MGAM2: variants seen among roughly 807,000 people sequenced by gnomAD.
MGAM2 encodes maltase-glucoamylase 2 (putative).
A neutral mutation model predicts 96.1 loss-of-function variants in MGAM2; 98 were observed. The ratio of observed to expected loss-of-function variants is 1.02; its 90% CI spans 0.87 to 1.21. MGAM2 has a LOEUF of 1.21. MGAM2 is among the 50% of genes most tolerant of loss of function. MGAM2 has a pLI of 0.00. For synonymous variants in MGAM2, 749 were observed against 414.8 expected, an observed-to-expected ratio of 1.81 and a Z score of -9.79; for missense variants, 2,055 against 1,182.4, an observed-to-expected ratio of 1.74 and a Z score of -10.82.
intron 31 of MGAM2, among the ~76,000 whole-genome samples, chr7:142,175,384 T>G (rs1032498129): frequency 6.6e-6 from 1 of 152,060 alleles, no homozygotes; most frequent in African/African-American, 2.4e-5. Context: ...GGGAAAGACA[T>G]GAATTGAGGA....
At chr7:142,203,907 C>G (rs1317658369) in intron 45 of MGAM2, among the ~76,000 whole-genome samples, 1 of 151,914 alleles carries the variant, frequency 6.6e-6, no homozygotes. Context: ...AGGAAATGCT[C>G]TTCATGTTCT....
At chr7:142,137,639 C>A in intron 9 of MGAM2, 94 bp downstream of exon 9, 1 of 484,242 alleles carries the variant, frequency 2.1e-6, no homozygotes, top group Admixed American at 3.6e-5. Flanking sequence ...TATTAGTAAA[C>A]TGTATGGATT....
chr7:142,154,081 A>T lies in MGAM2; in HGVS notation c.1698A>T (p.Gly566=). Reference sequence around the variant, plus strand: ...TCTTATCCCGTTCTACTTTTGCTGGATCTGGCAAATTTGCTGCTCATTGGC... The same window carrying T: ...TCTTATCCCGTTCTACTTTTGCTGGTTCTGGCAAATTTGCTGCTCATTGGC... ...SFILSRSTFA[G]SGKFAAHWLG... Residue 566 remains glycine, a synonymous_variant, in exon 16 of 48, where the codon GGA becomes GGT. Coordinates refer to ENST00000477922, the MANE Select transcript of MGAM2 (RefSeq NM_001293626.2). 1.4e-6 allele frequency: 1 copy of T among 696,302 alleles called. No individual in the cohort carries two copies. Among genetic ancestry groups the T allele is most frequent in the Non-Finnish European group, 2.6e-6 (1 of 380,312 alleles). The allele number at this position is 696,302 out of a possible 1,614,324, so 43.1% of individuals were successfully genotyped here.
At chr7:142,156,702 G>A (rs1484983485) in intron 17 of MGAM2, among the ~76,000 whole-genome samples, 1 of 152,114 alleles carries the variant, frequency 6.6e-6, no homozygotes, top group Non-Finnish European at 1.5e-5. Context: ...CCTACACTGG[G>A]TGCATAGAGT....
chr7:142,129,050 C>T (rs532128041), intron 3 of MGAM2, among the ~76,000 whole-genome samples: 1 of 152,350 alleles, frequency 6.6e-6, no homozygotes, highest in East Asian at 1.9e-4. Flanking sequence ...AGAGGCAGAG[C>T]TGCTCAAGGC....
chr7:142,154,800 A>G lies in MGAM2; in HGVS notation c.1878A>G (p.Gly626=). Residue 626 remains glycine (G), a synonymous_variant, in exon 17 of 48, where the codon GGA becomes GGG. Coordinates refer to ENST00000477922, the MANE Select transcript of MGAM2 (RefSeq NM_001293626.2). The stretch of plus-strand genomic sequence containing the variant: ...TCTGCAGAAGGTGGATGCAGCTTGG[A>G]GCATTTTATCCACTACCAAGGAATC... ...EELCRRWMQL[G]AFYPLPRNHN... The G allele has an allele frequency of 1.4e-6, 1 of 703,592 alleles. No homozygotes were observed. The highest frequency in any genetic ancestry group is 2.6e-6 in the Non-Finnish European group (1 of 385,134). 43.6% of individuals were successfully genotyped at this position (703,592 alleles called of 1,614,324 possible).
chr7:142,129,825 C>CAAAAAAAAAAAAAAAAAAAAAAAAAAA lies in MGAM2; in HGVS notation c.187-1109_187-1083dup, dbSNP rs71166564. 2.1e-4 allele frequency among the ~76,000 whole-genome samples: 7 copies of CAAAAAAAAAAAAAAAAAAAAAAAAAAA among 33,418 alleles called. 2 individuals are homozygous for CAAAAAAAAAAAAAAAAAAAAAAAAAAA. Among genetic ancestry groups the CAAAAAAAAAAAAAAAAAAAAAAAAAAA allele is most frequent in the African/African-American group, 5.8e-4 (4 of 6,932 alleles). 21.9% of individuals were successfully genotyped at this position (33,418 alleles called of 152,430 possible). A position where few individuals can be genotyped will look rare whatever the true frequency, so the allele number is the denominator to read the frequency against. On this transcript the variant is annotated intron_variant, in intron 3 of 47. Transcript: ENST00000477922. ...GGGCAACAAGAACAAAACTCTGTCT[C>CAAAAAAAAAAAAAAAAAAAAAAAAAAA]AAAAAAAAAAAAAAAAAAAAAAAAA...
chr7:142,207,672 G>T (rs760394651), intron 45 of MGAM2, among the ~76,000 whole-genome samples: 1 of 151,978 alleles, frequency 6.6e-6, no homozygotes, highest in African/African-American at 2.4e-5. Flanking sequence ...CTCGTGATGC[G>T]CCCGCCTCGG....
rs1214431988 is a variant in MGAM2 at position 142,175,729 on chromosome 7, T to A, written c.3765T>A (p.Ser1255Arg). 1.6e-5 allele frequency: 11 copies of A among 702,688 alleles called. No individual in the cohort carries two copies. The East Asian group carries it at 3.0e-4, about 19-fold the overall frequency. The allele number at this position is 702,688 out of a possible 1,614,324, so 43.5% of individuals were successfully genotyped here. A position where few individuals can be genotyped will look rare whatever the true frequency, so the allele number is the denominator to read the frequency against. The stretch of plus-strand genomic sequence containing the variant: ...TCAGTGCCAACTTTCAAAACCTCAG[T>A]CTTCTGATTGAGCAAATGAAGAAAA... ...FTLSANFQNL[S>R]LLIEQMKKNG... Residue 1255 changes from serine to arginine, a missense_variant, in exon 32 of 48, where the codon AGT becomes AGA. Physicochemically the swap from Ser to Arg is moderately radical, Grantham distance 110. Transcript: ENST00000477922.
At chr7:142,173,698 T>C (rs1563275802) in intron 31 of MGAM2, among the ~76,000 whole-genome samples, 1 of 152,210 alleles carries the variant, frequency 6.6e-6, no homozygotes, top group Non-Finnish European at 1.5e-5. Flanking sequence ...CCCTTTGGGC[T>C]AAAAAGAAGC....
intron 26 of MGAM2, 115 bp from the exon 27 acceptor site, chr7:142,169,960 G>A (rs1353039986): frequency 4.4e-5 from 24 of 551,702 alleles, no homozygotes; most frequent in Non-Finnish European, 7.4e-5. Context: ...GATGTTTGAT[G>A]CCTACTGATA....
chr7:142,195,345 CTTTTTTTTTTTTTTTT>C (rs1013124747), intron 37 of MGAM2, among the ~76,000 whole-genome samples: 1 of 70,008 alleles, frequency 1.4e-5, no homozygotes, highest in South Asian at 6.6e-4. Context: ...CCTTTTTACT[CTTTTTTTTTTTTTTTT>C]TTTTTTTTTT....
chr7:142,115,369 G>A (rs1443410779), intron 1 of MGAM2, among the ~76,000 whole-genome samples: 2 of 152,304 alleles, frequency 1.3e-5, no homozygotes, highest in East Asian at 3.9e-4. Flanking sequence ...ATGTTTGGAT[G>A]GATAGTTTCA....
intron 29 of MGAM2, 121 bp from the exon 30 acceptor site, chr7:142,172,531 C>T: frequency 1.7e-6 from 1 of 580,506 alleles, no homozygotes. Context: ...TGAGAGAAGA[C>T]TTTCTAGAGA....
Position 142,154,075 on chromosome 7 carries a change from TGCTGGATCTGGCAAATTTGCTGCTC to T in MGAM2, c.1693_1717del (p.Ala565IlefsTer31), listed in dbSNP as rs1795664131. 4 of 696,710 alleles carry T rather than the reference TGCTGGATCTGGCAAATTTGCTGCTC, an allele frequency of 5.7e-6. No individual in the cohort carries two copies. The highest frequency in any genetic ancestry group is 2.0e-5 in the Admixed American group (1 of 49,918). The allele number at this position is 696,710 out of a possible 1,614,324, so 43.2% of individuals were successfully genotyped here. A position where few individuals can be genotyped will look rare whatever the true frequency, so the allele number is the denominator to read the frequency against. Reference sequence around the variant, plus strand: ...GCTTCATCTTATCCCGTTCTACTTTTGCTGGATCTGGCAAATTTGCTGCTCATTGGCTGGGGGACAATGCGGCCAC... The same window carrying T: ...GCTTCATCTTATCCCGTTCTACTTTTATTGGCTGGGGGACAATGCGGCCAC... On this transcript the variant is annotated frameshift_variant, in exon 16 of 48. Transcript: ENST00000477922. LOFTEE classifies it high-confidence loss of function.
intron 37 of MGAM2, among the ~76,000 whole-genome samples, chr7:142,191,135 A>G (rs77337430): frequency 1.1e-4 from 1 of 9,336 alleles, no homozygotes; most frequent in Non-Finnish European, 2.0e-4. Context: ...ATCTCTACAG[A>G]AAAAAAAAAA....
chr7:142,219,304 C>T (rs1353975725), intron 47 of MGAM2, among the ~76,000 whole-genome samples: 1 of 152,132 alleles, frequency 6.6e-6, no homozygotes, highest in Non-Finnish European at 1.5e-5. Context: ...TGGAAAATGG[C>T]CCCTCTGAGC....
At chr7:142,211,174 A>T (rs1215015902) in intron 46 of MGAM2, among the ~76,000 whole-genome samples, 1 of 152,168 alleles carries the variant, frequency 6.6e-6, no homozygotes, top group Non-Finnish European at 1.5e-5. Context: ...CATGCAAAAA[A>T]TCCATCCGAA....
At chr7:142,159,641 T>C (rs938785757) in intron 20 of MGAM2, among the ~76,000 whole-genome samples, 1 of 152,190 alleles carries the variant, frequency 6.6e-6, no homozygotes, top group Non-Finnish European at 1.5e-5. Flanking sequence ...GCTTCACTGA[T>C]GGCACCTCCT....
Sources: allele counts gnomAD v4.1 joint callset (sites outside exome capture counted in the v4.1 genomes callset), GRCh38; gene constraint gnomAD v4.1.1; transcripts MANE v1.5; gene names NCBI Gene and HGNC (gene_info 2026-07-23, HGNC 2026-07-21).